Variants in ETV6 observed in about 807,000 individuals in gnomAD.
The protein encoded by ETV6 is transcription factor ETV6.
In ETV6, 16 loss-of-function variants were observed where a neutral mutation model predicts 51.1. The observed-to-expected ratio is 0.31, with a 90% CI of 0.21 to 0.48. The LOEUF is 0.48. Among genes scored for constraint, ETV6 ranks in the 20% least tolerant of loss-of-function variants. The pLI is 0.99. For synonymous variants in ETV6, 240 were observed against 224.1 expected (o/e 1.07, Z -0.64); for missense variants, 458 against 594.8 (o/e 0.77, Z 2.39).
At chr12:11,690,994 A>AAAC (rs1222617580) in intron 1 of ETV6, among the ~76,000 whole-genome samples, 1 of 152,176 alleles carries the variant, frequency 6.6e-6, no homozygotes, top group East Asian at 1.9e-4. Context: ...AGTGGCTTAT[A>AAAC]AACAACAGAA....
chr12:11,711,107 T>C (rs891390646), intron 1 of ETV6, among the ~76,000 whole-genome samples: 4 of 152,210 alleles, frequency 2.6e-5, no homozygotes, highest in Non-Finnish European at 5.9e-5. Context: ...CACTAATCGA[T>C]TGAGTTGGGC....
chr12:11,672,507 A>G (rs1204102143), intron 1 of ETV6, among the ~76,000 whole-genome samples: 1 of 152,216 alleles, frequency 6.6e-6, no homozygotes, highest in Non-Finnish European at 1.5e-5. Flanking sequence ...ACGACGTAGC[A>G]ATTAAGTAGC....
intron 5 of ETV6, among the ~76,000 whole-genome samples, chr12:11,883,436 G>A (rs1356503512): frequency 6.6e-6 from 1 of 151,726 alleles, no homozygotes; most frequent in African/African-American, 2.4e-5. Context: ...TGGGATTACA[G>A]GCACACGCCA....
chr12:11,839,082 G>C, intron 2 of ETV6, 58 bp from the exon 3 acceptor site: 1 of 1,548,090 alleles, frequency 6.5e-7, no homozygotes, highest in African/African-American at 1.4e-5. Flanking sequence ...CTTTATTCCA[G>C]CTGTCTAACT....
intron 2 of ETV6, among the ~76,000 whole-genome samples, chr12:11,832,383 T>C (rs1946256806): frequency 6.6e-6 from 1 of 152,232 alleles, no homozygotes; most frequent in Non-Finnish European, 1.5e-5. Flanking sequence ...GCAAGGCTCT[T>C]GGCCCGGACA....
intron 2 of ETV6, among the ~76,000 whole-genome samples, chr12:11,804,373 G>A (rs1378095148): frequency 6.6e-6 from 1 of 152,188 alleles, no homozygotes; most frequent in Non-Finnish European, 1.5e-5. Context: ...TGAACTGCCA[G>A]GCCCTGTGTG....
At chr12:11,827,246 C>T (rs980153517) in intron 2 of ETV6, among the ~76,000 whole-genome samples, 2 of 151,996 alleles carry the variant, frequency 1.3e-5, no homozygotes, top group East Asian at 3.9e-4. Flanking sequence ...GTCTGCCCCG[C>T]GAAATGCTGA....
Position 11,735,112 on chromosome 12 carries a change from T to TTTTA in ETV6, c.34-17338_34-17337insTTTA, listed in dbSNP as rs1555120916. On this transcript the variant is annotated intron_variant, in intron 1 of 7. Coordinates refer to ENST00000396373, the MANE Select transcript of ETV6 (RefSeq NM_001987.5). ...TTTTTTTTTTTTTTTTTTTTTTTTT[T>TTTTA]ACTAATACTAGGTCCTGCTTCCAAG... is the stretch of plus-strand genomic sequence containing the variant. Among the ~76,000 whole-genome samples, 23 of 142,610 alleles carry TTTTA rather than the reference T, an allele frequency of 1.6e-4. 2 individuals are homozygous for TTTTA. The highest frequency in any genetic ancestry group is 5.7e-4 in the African/African-American group (21 of 37,110). 93.6% of individuals were successfully genotyped at this position (142,610 alleles called of 152,430 possible).
At chr12:11,657,517 G>A (rs555418240) in intron 1 of ETV6, among the ~76,000 whole-genome samples, 2 of 152,306 alleles carry the variant, frequency 1.3e-5, no homozygotes, top group South Asian at 4.1e-4. Context: ...GTTGGCATAA[G>A]AATAATGTTA....
At chr12:11,678,059 G>A (rs1463829596) in intron 1 of ETV6, among the ~76,000 whole-genome samples, 1 of 152,170 alleles carries the variant, frequency 6.6e-6, no homozygotes, top group Non-Finnish European at 1.5e-5. Flanking sequence ...GATTCCTAGT[G>A]CCAAGCATGG....
At chr12:11,752,851 C>A (rs1293704527) in intron 2 of ETV6, 1 of 306,428 alleles carries the variant, frequency 3.3e-6, no homozygotes. Flanking sequence ...ATGGCAGAGC[C>A]AACTAAATCT....
At chr12:11,817,799 C>A (rs2136430109) in intron 2 of ETV6, among the ~76,000 whole-genome samples, 1 of 152,256 alleles carries the variant, frequency 6.6e-6, no homozygotes, top group South Asian at 2.1e-4. Flanking sequence ...AGCTCACTGC[C>A]TAGCGGGAAA....
intron 2 of ETV6, among the ~76,000 whole-genome samples, chr12:11,832,294 A>G (rs1247643169): frequency 6.6e-6 from 1 of 152,240 alleles, no homozygotes; most frequent in Non-Finnish European, 1.5e-5. Context: ...TGAAACAGGT[A>G]GTGCAAACAT....
intron 1 of ETV6, among the ~76,000 whole-genome samples, chr12:11,680,555 T>TAC (rs1039081494): frequency 2.6e-5 from 4 of 152,322 alleles, no homozygotes; most frequent in African/African-American, 4.8e-5. Flanking sequence ...CTGATTTTCT[T>TAC]ACAGCCAAGG....
chr12:11,888,780 G>A (rs905089336), intron 7 of ETV6, among the ~76,000 whole-genome samples: 5 of 152,178 alleles, frequency 3.3e-5, no homozygotes, highest in Non-Finnish European at 7.3e-5. Flanking sequence ...ATAGCTCACT[G>A]AAGCCTCAAA....
chr12:11,750,672 CAA>C (rs1405123253), intron 1 of ETV6, among the ~76,000 whole-genome samples: 1 of 151,626 alleles, frequency 6.6e-6, no homozygotes, highest in Non-Finnish European at 1.5e-5. Context: ...GGGTGTCAGA[CAA>C]GAGTTGAAGA....
At chr12:11,654,933 GA>G (rs1863972812) in intron 1 of ETV6, among the ~76,000 whole-genome samples, 1 of 152,144 alleles carries the variant, frequency 6.6e-6, no homozygotes, top group Non-Finnish European at 1.5e-5. Flanking sequence ...GCTGGCCCTA[GA>G]GAAGTAGCTA....
chr12:11,768,903 C>T (rs773460012), intron 2 of ETV6: 2 of 477,944 alleles, frequency 4.2e-6, no homozygotes, highest in African/African-American at 1.9e-5. Context: ...TGTGAAATTC[C>T]TTGGAAATAC....
Position 11,752,477 on chromosome 12 carries a change from G to A in ETV6, c.61G>A (p.Glu21Lys). The A allele has an allele frequency of 6.2e-7, 1 of 1,613,716 alleles. No homozygotes were observed. The highest frequency in any genetic ancestry group is 8.5e-7 in the Non-Finnish European group (1 of 1,179,854). ...GGAACGAATTTCATATACACCTCCAGAGAGCCCAGTGCCGAGTTACGCTTC... is the reference window on the plus strand; with the variant it reads ...GGAACGAATTTCATATACACCTCCAAAGAGCCCAGTGCCGAGTTACGCTTC... ...KQERISYTPP[E>K]SPVPSYASST... The change falls in exon 2 of 8, where the codon GAG (glutamate) becomes AAG (lysine). Residue 21 changes from glutamate (E) to lysine (K), a missense_variant. Transcript: ENST00000396373.
Sources: allele counts gnomAD v4.1 joint callset (sites outside exome capture counted in the v4.1 genomes callset), GRCh38; gene constraint gnomAD v4.1.1; transcripts MANE v1.5; gene names NCBI Gene and HGNC (gene_info 2026-07-23, HGNC 2026-07-21).